The following GRM7 variants were observed in gnomAD, a reference collection of about 807,000 sequenced individuals.
GRM7 encodes metabotropic glutamate receptor 7.
A neutral mutation model predicts 84.5 loss-of-function variants in GRM7; 35 were observed. That is an observed-to-expected ratio of 0.41 (90% confidence interval 0.32 to 0.55). The LOEUF (loss-of-function observed/expected upper bound fraction) is 0.55. Ranked by LOEUF, GRM7 falls within the 20% of genes least tolerant of loss-of-function variation. The pLI, the probability that GRM7 is intolerant of heterozygous loss-of-function variation, is 0.19. For missense variants in GRM7, 1,003 were observed against 1,194.6 expected, an observed-to-expected ratio of 0.84 and a Z score of 2.36; for synonymous variants, 487 against 455.1, an observed-to-expected ratio of 1.07 and a Z score of -0.89.
intron 1 of GRM7, among the ~76,000 whole-genome samples, chr3:7,037,115 A>G (rs2124935399): frequency 6.6e-6 from 1 of 152,312 alleles, no homozygotes; most frequent in Non-Finnish European, 1.5e-5. Context: ...GAATTTTTAG[A>G]AATATTTAAA....
chr3:7,081,265 C>G (rs1698266915), intron 1 of GRM7, among the ~76,000 whole-genome samples: 1 of 152,130 alleles, frequency 6.6e-6, no homozygotes, highest in Admixed American at 6.6e-5. Flanking sequence ...CAAAATAACA[C>G]GTGCTCACTT....
chr3:6,913,347 T>G (rs1696836349), intron 1 of GRM7, among the ~76,000 whole-genome samples: 1 of 152,202 alleles, frequency 6.6e-6, no homozygotes, highest in Non-Finnish European at 1.5e-5. Flanking sequence ...TGTGGTATGA[T>G]GTTCATATCT....
At chr3:7,167,302 C>T (rs1314303510) in intron 2 of GRM7, among the ~76,000 whole-genome samples, 1 of 152,186 alleles carries the variant, frequency 6.6e-6, no homozygotes, top group Non-Finnish European at 1.5e-5. Flanking sequence ...GAGCCTGTGA[C>T]ACAGGGCCCT....
At position 7,589,213 on chromosome 3, in the gene GRM7, T is replaced by C. The variant is rs144003179; in HGVS notation, c.2451+9856T>C. 3.8e-3 allele frequency among the ~76,000 whole-genome samples: 573 copies of C among 152,346 alleles called. 3 individuals carry two copies. The highest frequency in any genetic ancestry group is 0.013 in the African/African-American group (531 of 41,590). ...TGGTTTTAACCCAGCAATCAGATCA[T>C]TGTCTTTTATTTTCATGTTGCAGAT... is the stretch of plus-strand genomic sequence containing the variant. On this transcript the variant is annotated intron_variant, in intron 8 of 9. Coordinates refer to ENST00000357716, the MANE Select transcript of GRM7 (RefSeq NM_000844.4).
chr3:7,010,401 C>A lies in GRM7; in HGVS notation c.520-136051C>A, dbSNP rs11928911. On this transcript the variant is annotated intron_variant, in intron 1 of 9. Transcript: ENST00000357716. ...CCCGGGAAGCAGAGGTTGCAGTGAACCAACATCACACTACTGCACTCCAGC... is the reference window on the plus strand; with the variant it reads ...CCCGGGAAGCAGAGGTTGCAGTGAAACAACATCACACTACTGCACTCCAGC... Among the ~76,000 whole-genome samples the A allele has an allele frequency of 7.7e-3, 1,171 of 152,298 alleles. 20 individuals carry two copies. Among genetic ancestry groups the A allele is most frequent in the African/African-American group, 0.027 (1,117 of 41,568 alleles).
chr3:7,646,061 G>A (rs943866966), intron 8 of GRM7, among the ~76,000 whole-genome samples: 2 of 152,200 alleles, frequency 1.3e-5, no homozygotes, highest in Non-Finnish European at 2.9e-5. Context: ...AATCTAACGA[G>A]CAGCTCACGA....
intron 7 of GRM7, among the ~76,000 whole-genome samples, chr3:7,504,489 AAAG>A (rs1035475765): frequency 2.6e-5 from 4 of 152,250 alleles, no homozygotes; most frequent in Admixed American, 6.5e-5. Context: ...TTTATAAAGA[AAAG>A]AAGTTTATTT....
chr3:7,570,267 T>A (rs1694581430), intron 7 of GRM7, among the ~76,000 whole-genome samples: 1 of 152,188 alleles, frequency 6.6e-6, no homozygotes, highest in South Asian at 2.1e-4. Context: ...CCCCAAGTTC[T>A]TAAATCATTT....
chr3:7,413,378 T>C (rs1388854603), intron 4 of GRM7, among the ~76,000 whole-genome samples: 9 of 152,220 alleles, frequency 5.9e-5, no homozygotes, highest in Non-Finnish European at 1.5e-5. Flanking sequence ...CGAAATTGAA[T>C]AGAGGCAAAC....
chr3:6,931,815 G>T (rs999691673), intron 1 of GRM7, among the ~76,000 whole-genome samples: 2 of 152,222 alleles, frequency 1.3e-5, no homozygotes, highest in African/African-American at 4.8e-5. Flanking sequence ...CAGATGCCTG[G>T]AAGGCAGTAG....
chr3:7,234,612 T>A (rs1164308250), intron 2 of GRM7, among the ~76,000 whole-genome samples: 1 of 152,216 alleles, frequency 6.6e-6, no homozygotes, highest in Non-Finnish European at 1.5e-5. Context: ...GAGATCATAC[T>A]GCATGATTAA....
intron 1 of GRM7, among the ~76,000 whole-genome samples, chr3:7,011,569 T>G (rs1404480897): frequency 6.6e-6 from 1 of 152,176 alleles, no homozygotes; most frequent in Non-Finnish European, 1.5e-5. Context: ...GCCAGAGTAA[T>G]TATCTCCTAT....
At chr3:7,225,618 A>C (rs1337523415) in intron 2 of GRM7, among the ~76,000 whole-genome samples, 2 of 150,146 alleles carry the variant, frequency 1.3e-5, no homozygotes, top group African/African-American at 4.9e-5. Flanking sequence ...TAATTTTTAA[A>C]ATATTTTAAA....
At chr3:7,327,067 G>A (rs983104670) in intron 4 of GRM7, among the ~76,000 whole-genome samples, 2 of 152,162 alleles carry the variant, frequency 1.3e-5, no homozygotes, top group South Asian at 2.1e-4. Flanking sequence ...ACAGGTGCTC[G>A]AAGAAACTAT....
chr3:7,737,898 A>T (rs1003603319), intron 9 of GRM7, among the ~76,000 whole-genome samples: 1 of 140,806 alleles, frequency 7.1e-6, no homozygotes, highest in Non-Finnish European at 1.5e-5. Context: ...TGCAGGCTGG[A>T]GCGCAATGGT....
At chr3:7,173,884 G>C (rs768530591) in intron 2 of GRM7, among the ~76,000 whole-genome samples, 11 of 152,262 alleles carry the variant, frequency 7.2e-5, no homozygotes, top group Admixed American at 2.6e-4. Context: ...TTGCCATTAA[G>C]ACATTTTTTA....
chr3:7,681,472 T>C (rs1700364030), intron 9 of GRM7: 1 of 152,268 alleles, frequency 6.6e-6, no homozygotes, highest in East Asian at 1.9e-4. Context: ...TCTCTATTTA[T>C]GAATAGTTGA....
At chr3:7,473,489 G>A (rs868843782) in intron 7 of GRM7, among the ~76,000 whole-genome samples, 10 of 126,476 alleles carry the variant, frequency 7.9e-5, no homozygotes, top group South Asian at 2.8e-4. Flanking sequence ...AAAACGAGAG[G>A]GAGAGAGAGA....
At chr3:7,246,036 A>G (rs1697746925) in intron 2 of GRM7, among the ~76,000 whole-genome samples, 1 of 152,166 alleles carries the variant, frequency 6.6e-6, no homozygotes, top group Non-Finnish European at 1.5e-5. Context: ...GAATGCATTC[A>G]TAGTTTGAAA....
Sources: gnomAD v4.1 joint callset for allele counts (sites outside exome capture counted in the v4.1 genomes callset) on GRCh38, gnomAD v4.1.1 for gene constraint, MANE v1.5 for transcripts, NCBI Gene and HGNC (gene_info 2026-07-23, HGNC 2026-07-21) for gene names.